The following CDC42BPA variants were observed in gnomAD, a reference collection of about 807,000 sequenced individuals.
CDC42BPA encodes the protein serine/threonine-protein kinase MRCK alpha.
CDC42BPA carries 80 observed loss-of-function variants against 223.5 expected under a neutral mutation model. That is an observed-to-expected ratio of 0.36 (90% confidence interval 0.30 to 0.43). The LOEUF (loss-of-function observed/expected upper bound fraction) is 0.43, where lower values mean the gene tolerates loss of function less well. Among genes scored for constraint, CDC42BPA ranks in the 20% least tolerant of loss-of-function variants. The pLI is 1.00. For missense variants in CDC42BPA, 1,743 were observed against 2,099.9 expected (o/e 0.83, Z 3.32); for synonymous variants, 694 against 718.6 (o/e 0.97, Z 0.55).
At chr1:227,243,665 TTTAA>T (rs1680384560) in intron 2 of CDC42BPA, among the ~76,000 whole-genome samples, 1 of 151,974 alleles carries the variant, frequency 6.6e-6, no homozygotes, top group Non-Finnish European at 1.5e-5. Flanking sequence ...TAAGTAAAAG[TTTAA>T]TTAATTGCAC....
chr1:227,303,863 A>G (rs1409862000), intron 1 of CDC42BPA, among the ~76,000 whole-genome samples: 1 of 152,224 alleles, frequency 6.6e-6, no homozygotes, highest in African/African-American at 2.4e-5. Context: ...GCAGAAGGAA[A>G]TGAAGTTATA....
intron 10 of CDC42BPA, among the ~76,000 whole-genome samples, chr1:227,132,743 C>T (rs1385724895): frequency 6.6e-6 from 1 of 151,652 alleles, no homozygotes; most frequent in Admixed American, 6.6e-5. Flanking sequence ...TCTGCCCGCC[C>T]GCCCATCGTC....
intron 22 of CDC42BPA, among the ~76,000 whole-genome samples, chr1:227,049,584 G>C (rs1409522586): frequency 6.6e-6 from 1 of 152,004 alleles, no homozygotes; most frequent in Admixed American, 6.6e-5. Context: ...AAAACTAAAA[G>C]GTCAAGAAGA....
chr1:227,040,984 T>C (rs1671248938), intron 23 of CDC42BPA, among the ~76,000 whole-genome samples: 1 of 152,226 alleles, frequency 6.6e-6, no homozygotes, highest in Non-Finnish European at 1.5e-5. Context: ...TTTCATTCTG[T>C]TGTGTGAACT....
At chr1:227,077,126 G>C (rs1679654574) in intron 17 of CDC42BPA, among the ~76,000 whole-genome samples, 2 of 152,298 alleles carry the variant, frequency 1.3e-5, no homozygotes, top group South Asian at 2.1e-4. Context: ...TTCCTGAAAA[G>C]TTGGGGCATA....
intron 2 of CDC42BPA, among the ~76,000 whole-genome samples, chr1:227,222,829 C>T (rs955744021): frequency 6.6e-5 from 10 of 152,164 alleles, no homozygotes; most frequent in African/African-American, 2.4e-4. Flanking sequence ...ATTTGTATGC[C>T]TTTTCTCCTA....
intron 1 of CDC42BPA, among the ~76,000 whole-genome samples, chr1:227,276,095 G>A (rs1274384776): frequency 6.6e-6 from 1 of 151,796 alleles, no homozygotes; most frequent in African/African-American, 2.4e-5. Flanking sequence ...CCTCTGCCCG[G>A]CCGCCCAGTC....
chr1:227,187,241 G>A (rs1215207780), intron 5 of CDC42BPA, among the ~76,000 whole-genome samples: 2 of 152,050 alleles, frequency 1.3e-5, no homozygotes, highest in Non-Finnish European at 2.9e-5. Flanking sequence ...ATCAGACCAG[G>A]AATTTTAAAA....
At chr1:227,177,317 G>A (rs940065633) in intron 5 of CDC42BPA, among the ~76,000 whole-genome samples, 3 of 151,940 alleles carry the variant, frequency 2.0e-5, no homozygotes, top group Non-Finnish European at 4.4e-5. Context: ...ACCTTTATCT[G>A]AAAATGTCTC....
intron 21 of CDC42BPA, among the ~76,000 whole-genome samples, chr1:227,060,723 T>A (rs1482077099): frequency 1.4e-5 from 2 of 139,908 alleles, no homozygotes; most frequent in Non-Finnish European, 3.1e-5. Flanking sequence ...GGTACTTTTT[T>A]TTTTTTTTTT....
At chr1:227,132,726 G>A (rs1327235723) in intron 10 of CDC42BPA, among the ~76,000 whole-genome samples, 3 of 151,388 alleles carry the variant, frequency 2.0e-5, no homozygotes, top group African/African-American at 4.9e-5. Flanking sequence ...AGGAAGTGAG[G>A]AGCGTCTCTG....
chr1:227,021,506 C>A lies in CDC42BPA; in HGVS notation c.4615+1757G>T, dbSNP rs188664736. 1.6e-3 allele frequency among the ~76,000 whole-genome samples: 251 copies of A among 152,206 alleles called. 1 individual carries two copies. Among genetic ancestry groups the A allele is most frequent in the African/African-American group, 5.2e-3 (218 of 41,532 alleles). On this transcript the variant is annotated intron_variant, in intron 32 of 36. Transcript: ENST00000366766. Reference sequence around the variant, plus strand: ...TCTGCTATATTCACCAGCCTGTTCACCAAGAAACCTCTGGTTCCAAGACAA... The same window carrying A: ...TCTGCTATATTCACCAGCCTGTTCAACAAGAAACCTCTGGTTCCAAGACAA...
rs559344822 is a variant in CDC42BPA at position 227,247,711 on chromosome 1, C to T, written c.270+6353G>A. Among the ~76,000 whole-genome samples, 4 of 152,034 alleles carry T rather than the reference C, an allele frequency of 2.6e-5. No individual in the cohort carries two copies. The East Asian group carries it at 7.8e-4, about 30-fold the overall frequency. On this transcript the variant is annotated intron_variant, in intron 2 of 36. Coordinates refer to ENST00000366766, the MANE Select transcript of CDC42BPA (RefSeq NM_001394014.1). ...ACCAGCCTGGCCAACACTGTAAAAC[C>T]CCATCTCTATTAAAAATACAAAAAT...
chr1:227,066,409 A>G (rs1347136652), intron 21 of CDC42BPA, among the ~76,000 whole-genome samples: 1 of 146,514 alleles, frequency 6.8e-6, no homozygotes, highest in Non-Finnish European at 1.5e-5. Context: ...ACAAAAACAA[A>G]AACAAAAAAA....
chr1:227,021,653 G>A (rs1265340950), intron 32 of CDC42BPA, among the ~76,000 whole-genome samples: 1 of 151,996 alleles, frequency 6.6e-6, no homozygotes, highest in African/African-American at 2.4e-5. Context: ...ACTTCTGATG[G>A]ATTTTTTTTT....
At chr1:227,063,797 T>TC (rs1369865231) in intron 21 of CDC42BPA, among the ~76,000 whole-genome samples, 7 of 152,142 alleles carry the variant, frequency 4.6e-5, no homozygotes, top group African/African-American at 1.7e-4. Context: ...AATTGACCAT[T>TC]CCCCCAAGTA....
chr1:227,187,676 C>T (rs1669023472), intron 5 of CDC42BPA, among the ~76,000 whole-genome samples: 1 of 7,104 alleles, frequency 1.4e-4, no homozygotes, highest in East Asian at 1.9e-3. Flanking sequence ...AATGGCACCC[C>T]CCACCCCCCC....
At chr1:227,208,780 C>A (rs1014272417) in intron 3 of CDC42BPA, among the ~76,000 whole-genome samples, 7 of 152,154 alleles carry the variant, frequency 4.6e-5, no homozygotes, top group Non-Finnish European at 8.8e-5. Flanking sequence ...AGTTTGAAGT[C>A]AGGCAGTGTG....
Position 227,069,816 on chromosome 1 carries a change from T to C in CDC42BPA, c.2865A>G (p.Ala955=), listed in dbSNP as rs1336908001. The C allele has an allele frequency of 5.0e-6, 8 of 1,611,864 alleles. No homozygotes were observed. The highest frequency in any genetic ancestry group is 2.2e-5 in the South Asian group (2 of 90,944). Residue 955 remains alanine, a synonymous_variant, in exon 21 of 37, where the codon GCA becomes GCG. Transcript: ENST00000366766. The stretch of plus-strand genomic sequence containing the variant: ...GAGCATCGGTAGGCGTATTCAAAAA[T>C]GCCAAGAAAGAATGCTGTGAGTCTT... ...EHQDSQHSFL[A]FLNTPTDALD...
Sources: gnomAD v4.1 joint callset for allele counts (sites outside exome capture counted in the v4.1 genomes callset) on GRCh38, gnomAD v4.1.1 for gene constraint, MANE v1.5 for transcripts, NCBI Gene and HGNC (gene_info 2026-07-23, HGNC 2026-07-21) for gene names.